IL17RD: variants seen among roughly 807,000 people sequenced by gnomAD.
IL17RD encodes the protein interleukin 17 receptor D.
In IL17RD, 52 loss-of-function variants were observed where a neutral mutation model predicts 80.5. The ratio of observed to expected loss-of-function variants is 0.65; its 90% confidence interval spans 0.52 to 0.81. The LOEUF (loss-of-function observed/expected upper bound fraction) is 0.81, where lower values mean the gene tolerates loss of function less well. Ranked by LOEUF, IL17RD falls within the 40% of genes least tolerant of loss-of-function variation. The pLI is 0.00. For missense variants in IL17RD, 1,024 were observed against 955.1 expected, an observed-to-expected ratio of 1.07 and a Z score of -0.95; for synonymous variants, 416 against 391.8, an observed-to-expected ratio of 1.06 and a Z score of -0.73.
rs2107451562 is a variant in IL17RD at position 57,090,964 on chromosome 3, G to C, written c.*5429C>G. 1 of 152,386 alleles carries C rather than the reference G, an allele frequency of 6.6e-6. No homozygotes were observed. 9.4% of individuals were successfully genotyped at this position (152,386 alleles called of 1,614,324 possible). On this transcript the variant is annotated 3_prime_UTR_variant, in exon 13 of 13. Coordinates refer to ENST00000296318, the MANE Select transcript of IL17RD (RefSeq NM_017563.5). ...TAAACAAGATCCTGGAGGTGTCTAT[G>C]GTCCAAGCTGAATTTTAAAGAACAA...
intron 1 of IL17RD, among the ~76,000 whole-genome samples, chr3:57,130,277 C>CA (rs1237784378): frequency 6.6e-6 from 1 of 152,190 alleles, no homozygotes; most frequent in Non-Finnish European, 1.5e-5. Flanking sequence ...TGTTTAGACA[C>CA]AAAAAATCCC....
In IL17RD at chr3:57,114,738, G is replaced by A. The variant is rs760186563; in HGVS notation, c.264C>T (p.Cys88=). Residue 88 remains cysteine (C), a synonymous_variant, in exon 3 of 13, where the codon TGC becomes TGT. Transcript: ENST00000296318. ...GAATGGTGACTGCCACTTGGTCATG[G>A]CAAGCATACTGGCTGATGGTGATAT... ...AQNITISQYA[C]HDQVAVTILW... 1.4e-5 allele frequency: 23 copies of A among 1,612,420 alleles called. No homozygotes were observed. In the Middle Eastern group the frequency reaches 6.6e-4, roughly 46 times the overall value.
chr3:57,141,595 G>C (rs992129325), intron 1 of IL17RD, among the ~76,000 whole-genome samples: 1 of 152,066 alleles, frequency 6.6e-6, no homozygotes, highest in African/African-American at 2.4e-5. Flanking sequence ...AGAAATTTTT[G>C]AAGGTCTATT....
chr3:57,110,096 A>C (rs1465019928), intron 4 of IL17RD, 97 bp downstream of exon 4: 2 of 1,414,194 alleles, frequency 1.4e-6, no homozygotes, highest in South Asian at 1.3e-5. Flanking sequence ...GGTGGACCCC[A>C]TAGCCCCTCC....
In IL17RD at chr3:57,160,552, T is replaced by A. The variant is rs368108548; in HGVS notation, c.126+4609A>T. Among the ~76,000 whole-genome samples the A allele has an allele frequency of 4.3e-4, 65 of 152,116 alleles. No homozygotes were observed. In the South Asian group the frequency reaches 9.8e-3, roughly 23 times the overall value. ...ATCTGCCCCAGGCCAGAGGCACCCA[T>A]CCAAACTAGCTTCTCCCCCGCCCCG... is the stretch of plus-strand genomic sequence containing the variant. On this transcript the variant is annotated intron_variant, in intron 1 of 12. Coordinates refer to ENST00000296318, the MANE Select transcript of IL17RD (RefSeq NM_017563.5).
rs576290866 is a variant in IL17RD, at chr3:57,093,086, G to A, written c.*3307C>T. The A allele has an allele frequency of 6.6e-6, 1 of 152,204 alleles. No individual in the cohort carries two copies. Among genetic ancestry groups the A allele is most frequent in the East Asian group, 1.9e-4 (1 of 5,178 alleles). The allele number at this position is 152,204 out of a possible 1,614,324, so 9.4% of individuals were successfully genotyped here. On this transcript the variant is annotated 3_prime_UTR_variant, in exon 13 of 13. Coordinates refer to ENST00000296318, the MANE Select transcript of IL17RD (RefSeq NM_017563.5). The stretch of plus-strand genomic sequence containing the variant: ...AAATTACCCACTGTGGGTGGAACAG[G>A]GGCGCTTCAGTTTGCCACAGTCCCC...
chr3:57,165,030 G>A, intron 1 of IL17RD, 131 bp downstream of exon 1: 1 of 1,351,716 alleles, frequency 7.4e-7, no homozygotes, highest in Non-Finnish European at 9.4e-7. Flanking sequence ...CGGGAGGAGT[G>A]AGACCCAGGC....
At chr3:57,127,843 G>A (rs1579292436) in intron 1 of IL17RD, among the ~76,000 whole-genome samples, 2 of 152,278 alleles carry the variant, frequency 1.3e-5, no homozygotes, top group South Asian at 4.1e-4. Context: ...AGGGTGAGAC[G>A]AAGCAGAATA....
At chr3:57,145,203 T>G (rs530794197) in intron 1 of IL17RD, among the ~76,000 whole-genome samples, 1 of 152,144 alleles carries the variant, frequency 6.6e-6, no homozygotes, top group Admixed American at 6.5e-5. Flanking sequence ...TCCCAGGGAG[T>G]CTGAGGCAGT....
intron 10 of IL17RD, among the ~76,000 whole-genome samples, chr3:57,101,768 A>G (rs1156311025): frequency 4.6e-5 from 7 of 152,226 alleles, no homozygotes; most frequent in Admixed American, 4.6e-4. Context: ...AAGTACATAA[A>G]TCTTAAGTGT....
chr3:57,126,088 G>A (rs1579288938), intron 1 of IL17RD, among the ~76,000 whole-genome samples: 1 of 152,290 alleles, frequency 6.6e-6, no homozygotes, highest in African/African-American at 2.4e-5. Context: ...CAAGCTTTTA[G>A]CTACTATACC....
At chr3:57,163,922 G>A (rs1284572519) in intron 1 of IL17RD, among the ~76,000 whole-genome samples, 2 of 151,960 alleles carry the variant, frequency 1.3e-5, no homozygotes, top group African/African-American at 4.8e-5. Flanking sequence ...ACATTTCTTG[G>A]GACTGTGGGG....
intron 1 of IL17RD, among the ~76,000 whole-genome samples, chr3:57,153,808 C>T (rs570938284): frequency 4.6e-5 from 7 of 152,136 alleles, no homozygotes; most frequent in Non-Finnish European, 8.8e-5. Context: ...ACATTATATA[C>T]ATACATTTTA....
intron 1 of IL17RD, among the ~76,000 whole-genome samples, chr3:57,122,420 G>C (rs772279078): frequency 2.6e-5 from 4 of 152,220 alleles, no homozygotes; most frequent in Non-Finnish European, 5.9e-5. Flanking sequence ...GGCCTGTTAG[G>C]AGCCAGGCCG....
At chr3:57,104,251 G>C (rs1448994073) in intron 8 of IL17RD, 91 bp downstream of exon 8, 2 of 872,750 alleles carry the variant, frequency 2.3e-6, no homozygotes, top group Non-Finnish European at 3.7e-6. Context: ...ACCTTCAATA[G>C]CTTGAAATTT....
At chr3:57,154,283 T>TATATAC (rs904157398) in intron 1 of IL17RD, among the ~76,000 whole-genome samples, 10 of 112,910 alleles carry the variant, frequency 8.9e-5, no homozygotes, top group African/African-American at 2.5e-4. Flanking sequence ...TATATATATA[T>TATATAC]ACACACACAC....
At chr3:57,155,632 C>T (rs1026067355) in intron 1 of IL17RD, among the ~76,000 whole-genome samples, 14 of 152,274 alleles carry the variant, frequency 9.2e-5, no homozygotes, top group Middle Eastern at 3.4e-3. Context: ...GCTGTGTTGC[C>T]CAGGCTGGAG....
intron 1 of IL17RD, among the ~76,000 whole-genome samples, chr3:57,129,471 T>C (rs1176399566): frequency 6.6e-6 from 1 of 152,182 alleles, no homozygotes; most frequent in Non-Finnish European, 1.5e-5. Flanking sequence ...GTGCACCGAA[T>C]TGTGCTGACT....
At chr3:57,127,731 T>G (rs963172469) in intron 1 of IL17RD, among the ~76,000 whole-genome samples, 1 of 152,068 alleles carries the variant, frequency 6.6e-6, no homozygotes, top group African/African-American at 2.4e-5. Flanking sequence ...TCTATAAAAT[T>G]TTCTCCATCT....
Sources: allele counts gnomAD v4.1 joint callset (sites outside exome capture counted in the v4.1 genomes callset), GRCh38; gene constraint gnomAD v4.1.1; transcripts MANE v1.5; gene names NCBI Gene and HGNC (gene_info 2026-07-23, HGNC 2026-07-21).